NUDCD3: variants seen among roughly 807,000 people sequenced by gnomAD.
NUDCD3 encodes NudC domain containing 3.
NUDCD3 carries 13 observed loss-of-function variants against 39.7 expected under a neutral mutation model. The observed-to-expected ratio is 0.33, with a 90% confidence interval of 0.21 to 0.52. The LOEUF (loss-of-function observed/expected upper bound fraction) is 0.52. NUDCD3 is among the 20% of genes least tolerant of loss of function. The pLI is 0.96. For missense variants in NUDCD3, 453 were observed against 458.1 expected, an observed-to-expected ratio of 0.99 and a Z score of 0.10; for synonymous variants, 175 against 172.4, an observed-to-expected ratio of 1.02 and a Z score of -0.12.
chr7:44,478,352 A>G (rs868517287), intron 2 of NUDCD3, among the ~76,000 whole-genome samples: 1 of 152,194 alleles, frequency 6.6e-6, no homozygotes, highest in Non-Finnish European at 1.5e-5. Flanking sequence ...GGAGTTTCAG[A>G]CCAGTATGGC....
At chr7:44,443,459 G>A (rs2116925202) in intron 2 of NUDCD3, among the ~76,000 whole-genome samples, 1 of 151,718 alleles carries the variant, frequency 6.6e-6, no homozygotes, top group East Asian at 1.9e-4. Context: ...CGCCCAGGCT[G>A]GAGTGCAGTG....
At chr7:44,469,062 A>C (rs1207215608) in intron 2 of NUDCD3, among the ~76,000 whole-genome samples, 1 of 150,384 alleles carries the variant, frequency 6.6e-6, no homozygotes, top group Non-Finnish European at 1.5e-5. Flanking sequence ...CCAAACCAGA[A>C]TAGAGACAAT....
chr7:44,469,797 G>C (rs1800214844), intron 2 of NUDCD3, among the ~76,000 whole-genome samples: 1 of 144,348 alleles, frequency 6.9e-6, no homozygotes, highest in Non-Finnish European at 1.5e-5. Flanking sequence ...GGAAGCATCA[G>C]ACAAAACTAT....
At chr7:44,455,883 G>A (rs1029469017) in intron 2 of NUDCD3, among the ~76,000 whole-genome samples, 8 of 150,666 alleles carry the variant, frequency 5.3e-5, no homozygotes, top group East Asian at 1.9e-4. Context: ...AAAATTAGCC[G>A]GGCGTAGTGG....
In NUDCD3 at chr7:44,410,770, T is replaced by C. The variant is rs75363178; in HGVS notation, c.643-6187A>G. 2.5e-3 allele frequency among the ~76,000 whole-genome samples: 376 copies of C among 151,938 alleles called. 10 individuals carry two copies. In the East Asian group the frequency reaches 0.069, roughly 28 times the overall value. Reference sequence around the variant, plus strand: ...GATCATGAGGTCAAGAGATCGACATTATCCTGGCCAACAGGGGGTAACCAT... The same window carrying C: ...GATCATGAGGTCAAGAGATCGACATCATCCTGGCCAACAGGGGGTAACCAT... On this transcript the variant is annotated intron_variant, in intron 3 of 5. Transcript: ENST00000355451.
chr7:44,439,167 G>A (rs1282934766), intron 2 of NUDCD3, among the ~76,000 whole-genome samples: 1 of 152,146 alleles, frequency 6.6e-6, no homozygotes, highest in African/African-American at 2.4e-5. Context: ...TTGGAAGAAG[G>A]TGAAAAACTG....
chr7:44,445,939 CT>C (rs1175946801), intron 2 of NUDCD3, among the ~76,000 whole-genome samples: 4 of 152,218 alleles, frequency 2.6e-5, no homozygotes, highest in African/African-American at 9.7e-5. Flanking sequence ...GTGATACAAC[CT>C]TGTGTCTCTA....
intron 4 of NUDCD3, among the ~76,000 whole-genome samples, chr7:44,399,509 G>A (rs1037794005): frequency 6.6e-6 from 1 of 152,212 alleles, no homozygotes; most frequent in African/African-American, 2.4e-5. Flanking sequence ...GAAAGTTGTG[G>A]GGACTCAGGA....
intron 2 of NUDCD3, among the ~76,000 whole-genome samples, chr7:44,444,079 T>C (rs991238189): frequency 3.3e-5 from 5 of 152,232 alleles, no homozygotes; most frequent in African/African-American, 1.2e-4. Context: ...GCTAGAGCTT[T>C]TTCTATGAGC....
At chr7:44,459,028 G>C (rs1799956076) in intron 2 of NUDCD3, among the ~76,000 whole-genome samples, 1 of 151,558 alleles carries the variant, frequency 6.6e-6, no homozygotes, top group Non-Finnish European at 1.5e-5. Context: ...CTGGAGAAAG[G>C]TGTGCAAGGA....
chr7:44,479,432 T>C (rs1172942969), intron 2 of NUDCD3, among the ~76,000 whole-genome samples: 1 of 152,188 alleles, frequency 6.6e-6, no homozygotes, highest in Non-Finnish European at 1.5e-5. Context: ...GCCCAGAAGT[T>C]CGAGTTCAGC....
intron 4 of NUDCD3, among the ~76,000 whole-genome samples, chr7:44,396,729 G>C (rs1798632893): frequency 6.6e-6 from 1 of 152,076 alleles, no homozygotes; most frequent in Non-Finnish European, 1.5e-5. Context: ...ACTTTCCTTA[G>C]AGTAATGCTT....
intron 2 of NUDCD3, among the ~76,000 whole-genome samples, chr7:44,480,071 T>C (rs1800455237): frequency 6.6e-6 from 1 of 152,202 alleles, no homozygotes; most frequent in Admixed American, 6.5e-5. Context: ...AAAGGTTAGC[T>C]TTCCTGAAAC....
intron 3 of NUDCD3, among the ~76,000 whole-genome samples, chr7:44,409,175 A>G (rs1798878893): frequency 6.6e-6 from 1 of 152,214 alleles, no homozygotes. Flanking sequence ...CACTCAGGAA[A>G]AACCTAAGAA....
At chr7:44,417,887 G>C (rs1405414561) in intron 3 of NUDCD3, among the ~76,000 whole-genome samples, 1 of 152,138 alleles carries the variant, frequency 6.6e-6, no homozygotes, top group Non-Finnish European at 1.5e-5. Flanking sequence ...AGATATACTG[G>C]GGATGTGGGG....
intron 3 of NUDCD3, among the ~76,000 whole-genome samples, chr7:44,407,528 G>C (rs1024099884): frequency 4.9e-5 from 7 of 141,426 alleles, no homozygotes; most frequent in African/African-American, 1.6e-4. Context: ...CTGCACCATT[G>C]CAACAGGAGC....
At chr7:44,465,468 A>C (rs1268768200) in intron 2 of NUDCD3, among the ~76,000 whole-genome samples, 1 of 152,222 alleles carries the variant, frequency 6.6e-6, no homozygotes, top group Non-Finnish European at 1.5e-5. Context: ...TTAAAACTGA[A>C]AAAGTAGAGA....
At position 44,404,552 on chromosome 7, in the gene NUDCD3, C is replaced by T. The variant is rs201065672; in HGVS notation, c.674G>A (p.Arg225His). 17 of 1,613,974 alleles carry T rather than the reference C, an allele frequency of 1.1e-5. No individual in the cohort carries two copies. The highest frequency in any genetic ancestry group is 1.4e-5 in the Non-Finnish European group (17 of 1,179,996). ...VSVALSSSSI[R>H]VAMLEENGER... The stretch of plus-strand genomic sequence containing the variant: ...CCCATTTTCCTCCAGCATGGCCACA[C>T]GAATGGAGCTGCTGCTAAGGGCCAC... The change falls in exon 4 of 6, where the codon CGT (arginine) becomes CAT (histidine). Residue 225 changes from arginine to histidine, a missense_variant. Transcript: ENST00000355451.
At chr7:44,411,405 C>A (rs1336599323) in intron 3 of NUDCD3, among the ~76,000 whole-genome samples, 1 of 152,084 alleles carries the variant, frequency 6.6e-6, no homozygotes, top group African/African-American at 2.4e-5. Flanking sequence ...ATCCAGAATA[C>A]GTAAAGAAGT....
Sources: allele counts gnomAD v4.1 joint callset (sites outside exome capture counted in the v4.1 genomes callset), GRCh38; gene constraint gnomAD v4.1.1; transcripts MANE v1.5; gene names NCBI Gene and HGNC (gene_info 2026-07-23, HGNC 2026-07-21).